FAM3B: variants seen among roughly 807,000 people sequenced by gnomAD.
FAM3B encodes the protein protein FAM3B.
FAM3B carries 29 observed loss-of-function variants against 28.4 expected under a neutral mutation model. The observed-to-expected ratio is 1.02, with a 90% confidence interval of 0.76 to 1.39. The LOEUF (loss-of-function observed/expected upper bound fraction) is 1.39. Ranked by LOEUF, FAM3B falls within the 40% of genes most tolerant of loss-of-function variation. The pLI is 0.00. For synonymous variants in FAM3B, 91 were observed against 103.0 expected (o/e 0.88, Z 0.71); for missense variants, 266 against 293.9 (o/e 0.91, Z 0.69).
chr21:41,310,964 A>T (rs2088705903), intron 1 of FAM3B, among the ~76,000 whole-genome samples: 2 of 152,012 alleles, frequency 1.3e-5, no homozygotes, highest in Admixed American at 1.3e-4. Flanking sequence ...AAGTTGTTCC[A>T]AATCTGTTAG....
Position 41,322,751 on chromosome 21 carries a change from A to G in FAM3B, c.20-172A>G, listed in dbSNP as rs767419420. The G allele has an allele frequency of 1.6e-5, 13 of 825,872 alleles. 1 individual carries two copies. The South Asian group carries it at 1.7e-4, about 11-fold the overall frequency. 51.2% of individuals were successfully genotyped at this position (825,872 alleles called of 1,614,324 possible). ...GTATTCTCTGATACTGTCTACTTCA[A>G]AGGTCCTGACACCGCCTCCCACCCT... On this transcript the variant is annotated intron_variant, in intron 1 of 7. Coordinates refer to ENST00000357985, the MANE Select transcript of FAM3B (RefSeq NM_058186.4).
chr21:41,344,245 C>T (rs1040640368), intron 3 of FAM3B, among the ~76,000 whole-genome samples: 1 of 152,250 alleles, frequency 6.6e-6, no homozygotes, highest in Non-Finnish European at 1.5e-5. Context: ...GTGTCCAGGT[C>T]CCCTGAGAGT....
At chr21:41,311,130 G>A (rs984933494) in intron 1 of FAM3B, among the ~76,000 whole-genome samples, 9 of 149,808 alleles carry the variant, frequency 6.0e-5, no homozygotes, top group Admixed American at 3.3e-4. Context: ...ACACTTAAAA[G>A]TGACGGAGGA....
intron 1 of FAM3B, 43 bp from the exon 2 acceptor site, chr21:41,322,880 C>T (rs778099700): frequency 4.1e-5 from 66 of 1,614,066 alleles, no homozygotes; most frequent in Non-Finnish European, 5.2e-5. Flanking sequence ...GCCAGGGCCG[C>T]CACCAAGTCG....
At chr21:41,334,013 A>T (rs80315657) in intron 2 of FAM3B, among the ~76,000 whole-genome samples, 7,384 of 152,304 alleles carry the variant, frequency 0.048, 440 homozygotes, top group African/African-American at 0.14. Context: ...TCTGACCTTG[A>T]CAGTGATCAT....
intron 7 of FAM3B, among the ~76,000 whole-genome samples, chr21:41,353,281 T>C (rs1381284853): frequency 6.6e-6 from 1 of 152,226 alleles, no homozygotes; most frequent in Non-Finnish European, 1.5e-5. Flanking sequence ...TCCAAGTTGA[T>C]ATATTTTGTA....
chr21:41,333,131 GT>G (rs57632341), intron 2 of FAM3B, among the ~76,000 whole-genome samples: 1,670 of 128,766 alleles, frequency 0.013, 16 homozygotes, highest in African/African-American at 0.036. Flanking sequence ...TGTGTTTCTG[GT>G]TTTTTTTTTT....
rs571407135 is a variant in FAM3B at position 41,345,733 on chromosome 21, G to A, written c.394G>A (p.Gly132Ser). Residue 132 changes from glycine to serine, a missense_variant, in exon 5 of 8, where the codon GGT becomes AGT. Gly to Ser is a moderately conservative substitution (Grantham distance 56, BLOSUM62 0). Coordinates refer to ENST00000357985, the MANE Select transcript of FAM3B (RefSeq NM_058186.4). ...TATRCFDMYE[G>S]DNSGPMTKFI... ...AACACGATGTTTTGATATGTATGAA[G>A]GTGGTAAGAAAATTTTTTCTGTTAA... The A allele has an allele frequency of 1.3e-6, 2 of 1,567,384 alleles. No individual in the cohort carries two copies. Among genetic ancestry groups the A allele is most frequent in the Non-Finnish European group, 1.7e-6 (2 of 1,148,366 alleles).
chr21:41,345,108 C>T (rs1028794175), intron 4 of FAM3B, among the ~76,000 whole-genome samples: 1 of 152,184 alleles, frequency 6.6e-6, no homozygotes, highest in Non-Finnish European at 1.5e-5. Flanking sequence ...TAAAATGCTC[C>T]CAATCTGACA....
chr21:41,340,537 C>A (rs2088996592), intron 3 of FAM3B, among the ~76,000 whole-genome samples: 1 of 152,158 alleles, frequency 6.6e-6, no homozygotes, highest in Non-Finnish European at 1.5e-5. Context: ...ATGGCCTAAT[C>A]ACCTCCTAAA....
chr21:41,321,392 G>T (rs1316873545), intron 1 of FAM3B, among the ~76,000 whole-genome samples: 1 of 152,184 alleles, frequency 6.6e-6, no homozygotes, highest in Admixed American at 6.6e-5. Context: ...GGAGTGCAGC[G>T]CCCGCAGGTG....
At chr21:41,355,110 C>G (rs974867343) in intron 7 of FAM3B, among the ~76,000 whole-genome samples, 2 of 152,060 alleles carry the variant, frequency 1.3e-5, no homozygotes, top group Non-Finnish European at 2.9e-5. Context: ...CAAATCAAAA[C>G]CATAATGAGA....
rs185158498 is a variant in FAM3B at position 41,340,534 on chromosome 21, A to G, written c.287+2033A>G. Among the ~76,000 whole-genome samples the G allele has an allele frequency of 4.4e-3, 674 of 152,298 alleles. 3 individuals are homozygous for G. The highest frequency in any genetic ancestry group is 8.3e-3 in the Non-Finnish European group (565 of 68,028). ...CAGGAGGGCAGAGTCCTCATGGCCT[A>G]ATCACCTCCTAAATGTCCCACCTCT... On this transcript the variant is annotated intron_variant, in intron 3 of 7. Coordinates refer to ENST00000357985, the MANE Select transcript of FAM3B (RefSeq NM_058186.4).
At position 41,320,637 on chromosome 21, in the gene FAM3B, T is replaced by A. The variant is rs975663681; in HGVS notation, c.20-2286T>A. 5.9e-5 allele frequency: 9 copies of A among 152,502 alleles called. 1 individual carries two copies. The highest frequency in any genetic ancestry group is 1.9e-4 in the East Asian group (1 of 5,196). 9.4% of individuals were successfully genotyped at this position (152,502 alleles called of 1,614,324 possible). A position where few individuals can be genotyped will look rare whatever the true frequency, so the allele number is the denominator to read the frequency against. ...ATGTCCCGATCCCAGTGCTGGCGGC[T>A]GGATCTGCCTCCCACCCAGGAGGTG... On this transcript the variant is annotated intron_variant, in intron 1 of 7. Coordinates refer to ENST00000357985, the MANE Select transcript of FAM3B (RefSeq NM_058186.4).
intron 6 of FAM3B, 52 bp downstream of exon 6, chr21:41,347,152 C>CAG: frequency 6.7e-7 from 1 of 1,493,746 alleles, no homozygotes; most frequent in East Asian, 2.3e-5. Context: ...CCAGCTGGGG[C>CAG]AGAGGCTGCC....
In FAM3B at chr21:41,347,079, C is replaced by A; in HGVS notation, c.464C>A (p.Thr155Asn). 6.2e-7 allele frequency: 1 copy of A among 1,614,130 alleles called. No homozygotes were observed. The highest frequency in any genetic ancestry group is 8.5e-7 in the Non-Finnish European group (1 of 1,180,024). Reference protein sequence around the residue: ...AAPKSLLFMVTYDDGSTRLNN... With the variant: ...AAPKSLLFMVNYDDGSTRLNN... Reference sequence around the variant, plus strand: ...CCAAAATCCCTGCTCTTCATGGTGACCTATGACGACGGAAGCACAAGGTGA... The same window carrying A: ...CCAAAATCCCTGCTCTTCATGGTGAACTATGACGACGGAAGCACAAGGTGA... Residue 155 changes from threonine (T) to asparagine (N), a missense_variant, in exon 6 of 8, where the codon ACC becomes AAC. Coordinates refer to ENST00000357985, the MANE Select transcript of FAM3B (RefSeq NM_058186.4).
At chr21:41,311,246 AAAAAAATATATATATATATATATATATAT>A (rs1568908445) in intron 1 of FAM3B, among the ~76,000 whole-genome samples, 1 of 66,642 alleles carries the variant, frequency 1.5e-5, no homozygotes, top group African/African-American at 5.8e-5. Flanking sequence ...CAAAAAAAAA[AAAAAAATATATATATATATATATATATAT>A]ATATATATAT....
chr21:41,337,784 G>A (rs903669127), intron 2 of FAM3B, among the ~76,000 whole-genome samples: 1 of 151,760 alleles, frequency 6.6e-6, no homozygotes, highest in African/African-American at 2.4e-5. Context: ...GTTGTATGTT[G>A]TGTGTGAATG....
At chr21:41,335,039 T>TAAA (rs2088941850) in intron 2 of FAM3B, among the ~76,000 whole-genome samples, 4 of 152,240 alleles carry the variant, frequency 2.6e-5, no homozygotes, top group Admixed American at 6.5e-5. Context: ...CCTCTTTCTT[T>TAAA]TGGCTGATTT....
Sources: gnomAD v4.1 joint callset for allele counts (sites outside exome capture counted in the v4.1 genomes callset) on GRCh38, gnomAD v4.1.1 for gene constraint, MANE v1.5 for transcripts, NCBI Gene and HGNC (gene_info 2026-07-23, HGNC 2026-07-21) for gene names.